Variants in NTNG1 observed in about 807,000 individuals in gnomAD.
The protein encoded by NTNG1 is netrin-G1.
Under a neutral mutation model 54.0 loss-of-function variants are expected in NTNG1, and 16 were observed. The ratio of observed to expected loss-of-function variants is 0.30; its 90% CI spans 0.20 to 0.45. The LOEUF (loss-of-function observed/expected upper bound fraction) is 0.45. NTNG1 is among the 20% of genes least tolerant of loss of function. The probability of loss-of-function intolerance (pLI) is 1.00; values close to 1 mark genes in which losing one functional copy is unlikely to be tolerated. For synonymous variants in NTNG1, 255 were observed against 263.1 expected (o/e 0.97, Z 0.30); for missense variants, 530 against 678.7 (o/e 0.78, Z 2.43).
At chr1:107,422,897 A>G (rs1674662911) in intron 5 of NTNG1, among the ~76,000 whole-genome samples, 1 of 152,152 alleles carries the variant, frequency 6.6e-6, no homozygotes, top group Admixed American at 6.6e-5. Flanking sequence ...TATAGGCAAC[A>G]TGGGGAACAG....
intron 4 of NTNG1, among the ~76,000 whole-genome samples, chr1:107,396,918 G>A (rs982634802): frequency 3.9e-5 from 6 of 152,156 alleles, no homozygotes; most frequent in Admixed American, 2.0e-4. Context: ...CTATTCTAAC[G>A]TGACCTTGTT....
chr1:107,238,153 T>C (rs988363684), intron 2 of NTNG1, among the ~76,000 whole-genome samples: 3 of 152,172 alleles, frequency 2.0e-5, no homozygotes, highest in Non-Finnish European at 4.4e-5. Flanking sequence ...ACCTCTTTCA[T>C]CATCGTGACC....
chr1:107,401,047 CT>C (rs1225439431), intron 4 of NTNG1, among the ~76,000 whole-genome samples: 2 of 152,178 alleles, frequency 1.3e-5, no homozygotes, highest in African/African-American at 2.4e-5. Context: ...CTTGTATCTC[CT>C]GGAATATGTG....
At chr1:107,238,164 T>G (rs1320636863) in intron 2 of NTNG1, among the ~76,000 whole-genome samples, 13 of 152,198 alleles carry the variant, frequency 8.5e-5, no homozygotes, top group Admixed American at 8.5e-4. Flanking sequence ...CATCGTGACC[T>G]GGATATGAGA....
intron 3 of NTNG1, among the ~76,000 whole-genome samples, chr1:107,340,524 T>C (rs761954937): frequency 6.6e-6 from 1 of 152,108 alleles, no homozygotes; most frequent in Admixed American, 6.6e-5. Flanking sequence ...CCAAGAGGCT[T>C]CTTTGCAATT....
At chr1:107,156,858 C>T (rs572516312) in intron 2 of NTNG1, among the ~76,000 whole-genome samples, 1 of 152,254 alleles carries the variant, frequency 6.6e-6, no homozygotes, top group South Asian at 2.1e-4. Context: ...GGAAGGTAGC[C>T]TTGACCACAT....
chr1:107,408,115 CA>C (rs1673566153), intron 5 of NTNG1: 1 of 322,906 alleles, frequency 3.1e-6, no homozygotes, highest in East Asian at 8.0e-5. Context: ...AAATGAAAGC[CA>C]ATGAATGCCT....
chr1:107,311,155 C>T (rs946704764), intron 2 of NTNG1, among the ~76,000 whole-genome samples: 1 of 152,150 alleles, frequency 6.6e-6, no homozygotes, highest in Non-Finnish European at 1.5e-5. Context: ...ACTGAGACAC[C>T]TCCATGCATG....
chr1:107,350,718 A>T (rs1383397817), intron 3 of NTNG1, among the ~76,000 whole-genome samples: 3 of 152,220 alleles, frequency 2.0e-5, no homozygotes, highest in Admixed American at 2.0e-4. Flanking sequence ...GGAGAACATT[A>T]TGCTAAGAAA....
chr1:107,226,905 T>C (rs1472760709), intron 2 of NTNG1, among the ~76,000 whole-genome samples: 1 of 152,114 alleles, frequency 6.6e-6, no homozygotes, highest in Non-Finnish European at 1.5e-5. Flanking sequence ...ATTTGGAATC[T>C]TAAGGATACT....
chr1:107,455,557 C>T (rs1676901087), intron 7 of NTNG1: 5 of 463,090 alleles, frequency 1.1e-5, no homozygotes, highest in Admixed American at 4.5e-5. Context: ...ATGCCTGACT[C>T]GCTCTGAGAG....
At position 107,465,480 on chromosome 1, in the gene NTNG1, C is replaced by G. The variant is rs193158286; in HGVS notation, c.1391-15131C>G. Among the ~76,000 whole-genome samples, 252 of 152,276 alleles carry G rather than the reference C, an allele frequency of 1.7e-3. 1 individual carries two copies. The highest frequency in any genetic ancestry group is 5.9e-3 in the African/African-American group (245 of 41,546). ...AAAGGAGTGTTTGTTGTAGATTTTG[C>G]AGAGTCATATAAAGCTTACATTTCT... On this transcript the variant is annotated intron_variant, in intron 7 of 7. Coordinates refer to ENST00000370068, the MANE Select transcript of NTNG1 (RefSeq NM_001113226.3).
chr1:107,319,865 T>TTTTA (rs143435452), intron 2 of NTNG1, among the ~76,000 whole-genome samples: 71,796 of 147,824 alleles, frequency 0.49, 19,841 homozygotes, highest in Non-Finnish European at 0.61. Context: ...TACCTGAGGT[T>TTTTA]TATATATATA....
At chr1:107,476,516 A>G (rs988614507) in intron 7 of NTNG1, among the ~76,000 whole-genome samples, 1 of 152,174 alleles carries the variant, frequency 6.6e-6, no homozygotes, top group Admixed American at 6.5e-5. Context: ...TCTCCTGACC[A>G]AACTCTTCCT....
chr1:107,436,436 A>C (rs894093195), intron 6 of NTNG1, among the ~76,000 whole-genome samples: 5 of 152,224 alleles, frequency 3.3e-5, no homozygotes, highest in Admixed American at 1.3e-4. Context: ...AGCATGTCTT[A>C]TTTCCTTGGA....
At chr1:107,444,270 G>GCTA (rs1676169847) in intron 7 of NTNG1, among the ~76,000 whole-genome samples, 1 of 152,092 alleles carries the variant, frequency 6.6e-6, no homozygotes, top group Non-Finnish European at 1.5e-5. Context: ...GGGACCTGAT[G>GCTA]CTACCTCTGA....
chr1:107,140,587 T>C (rs930988477), upstream of NTNG1, among the ~76,000 whole-genome samples: 2 of 150,160 alleles, frequency 1.3e-5, no homozygotes, highest in Non-Finnish European at 1.5e-5. Flanking sequence ...CCGGGCGAAA[T>C]TGGTATTAGA....
chr1:107,194,269 A>G (rs1658164462), intron 2 of NTNG1, among the ~76,000 whole-genome samples: 1 of 152,018 alleles, frequency 6.6e-6, no homozygotes, highest in East Asian at 1.9e-4. Context: ...TGGTTATATC[A>G]GATGGGTACC....
intron 2 of NTNG1, among the ~76,000 whole-genome samples, chr1:107,270,984 G>A (rs1664107971): frequency 6.6e-6 from 1 of 151,894 alleles, no homozygotes; most frequent in African/African-American, 2.4e-5. Flanking sequence ...AAATAATGAA[G>A]AAATTATAAG....
Sources: allele counts gnomAD v4.1 joint callset (sites outside exome capture counted in the v4.1 genomes callset), GRCh38; gene constraint gnomAD v4.1.1; transcripts MANE v1.5; gene names NCBI Gene and HGNC (gene_info 2026-07-23, HGNC 2026-07-21).